ATXN7: variants seen among roughly 807,000 people sequenced by gnomAD.
ATXN7 encodes ataxin 7.
ATXN7 carries 12 observed loss-of-function variants against 70.5 expected under a neutral mutation model. The ratio of observed to expected loss-of-function variants is 0.17; its 90% confidence interval spans 0.11 to 0.28. ATXN7 has a LOEUF of 0.28. Among genes scored for constraint, ATXN7 ranks in the 10% least tolerant of loss-of-function variants. The pLI is 1.00. For synonymous variants in ATXN7, 498 were observed against 448.7 expected (o/e 1.11, Z -1.39); for missense variants, 1,256 against 1,131.7 (o/e 1.11, Z -1.58).
At position 63,982,198 on chromosome 3, in the gene ATXN7, T is replaced by C. The variant is rs1490016501; in HGVS notation, c.765T>C (p.Ser255=). Residue 255 remains serine (S), a synonymous_variant, in exon 7 of 13, where the codon TCT becomes TCC. Coordinates refer to ENST00000674280, the MANE Select transcript of ATXN7 (RefSeq NM_001377405.1). ...RVPHGRIMTP[S]VKVEKIHPKM... ...CCTCCTGTGACAGCATGACACCCTCTGTGAAAGTGGAAAAGATTCATCCGA... is the reference window on the plus strand; with the variant it reads ...CCTCCTGTGACAGCATGACACCCTCCGTGAAAGTGGAAAAGATTCATCCGA... 1 of 1,614,124 alleles carries C rather than the reference T, an allele frequency of 6.2e-7. No individual in the cohort carries two copies.
At chr3:63,957,945 GT>G (rs200061027) in intron 5 of ATXN7, among the ~76,000 whole-genome samples, 1 of 152,138 alleles carries the variant, frequency 6.6e-6, no homozygotes, top group East Asian at 1.9e-4. Flanking sequence ...AGAAGACCAC[GT>G]AAGACAAATA....
In ATXN7 at chr3:63,996,403, G is replaced by T; in HGVS notation, c.2581G>T (p.Ala861Ser). The change falls in exon 12 of 13, where the codon GCC (alanine) becomes TCC (serine). Residue 861 changes from alanine (A) to serine (S), a missense_variant. Transcript: ENST00000674280. ...SKPTKVAKVP[A>S]VNNVHMKHTG... The stretch of plus-strand genomic sequence containing the variant: ...ACCCACAAAGGTTGCCAAAGTGCCA[G>T]CCGTGAACAATGTCCACATGAAACA... 5 of 1,614,156 alleles carry T rather than the reference G, an allele frequency of 3.1e-6. No individual in the cohort carries two copies. The highest frequency in any genetic ancestry group is 4.2e-6 in the Non-Finnish European group (5 of 1,180,036).
chr3:63,973,121 G>A (rs2075340487), intron 5 of ATXN7, among the ~76,000 whole-genome samples: 1 of 152,066 alleles, frequency 6.6e-6, no homozygotes, highest in African/African-American at 2.4e-5. Context: ...GGTTGCCCAG[G>A]GTCACCCAAT....
intron 7 of ATXN7, 101 bp downstream of exon 7, chr3:63,982,546 T>G (rs2075506509): frequency 9.1e-7 from 1 of 1,094,724 alleles, no homozygotes; most frequent in Non-Finnish European, 1.3e-6. Flanking sequence ...TTTTTAAAAC[T>G]GGTCAACTTC....
intron 2 of ATXN7, among the ~76,000 whole-genome samples, chr3:63,898,899 C>G (rs542474784): frequency 1.3e-5 from 2 of 152,206 alleles, no homozygotes; most frequent in African/African-American, 4.8e-5. Flanking sequence ...GTAGACCCAG[C>G]TGCTTAGGGC....
rs139477670 is a variant in ATXN7, at chr3:63,878,999, C to T, written c.-111+14841C>T. 7.5e-3 allele frequency among the ~76,000 whole-genome samples: 1,138 copies of T among 152,278 alleles called. 5 individuals carry two copies. The highest frequency in any genetic ancestry group is 0.016 in the South Asian group (79 of 4,820). ...GCCCATAGAGGTCAGCCTCTTGGGACTCAGCAGGGCCCAGTATGGTGGAAA... is the reference window on the plus strand; with the variant it reads ...GCCCATAGAGGTCAGCCTCTTGGGATTCAGCAGGGCCCAGTATGGTGGAAA... On this transcript the variant is annotated intron_variant, in intron 1 of 12. Transcript: ENST00000674280.
chr3:63,946,562 G>GA (rs1035957454), intron 4 of ATXN7, among the ~76,000 whole-genome samples: 1 of 151,234 alleles, frequency 6.6e-6, no homozygotes, highest in African/African-American at 2.4e-5. Context: ...AGAATGGCGT[G>GA]AACCCGGGAG....
At chr3:63,881,066 A>G (rs1423246668) in intron 1 of ATXN7, among the ~76,000 whole-genome samples, 2 of 152,218 alleles carry the variant, frequency 1.3e-5, no homozygotes, top group East Asian at 1.9e-4. Flanking sequence ...GATAATGGCT[A>G]TCATTTATTG....
Position 64,002,855 on chromosome 3 carries a change from T to C in ATXN7, c.*3388T>C, listed in dbSNP as rs2075848872. Reference sequence around the variant, plus strand: ...CAGCAACTTACACGATGTGTCCGTTTTGTTATTCACTCATGAAATACAATT... The same window carrying C: ...CAGCAACTTACACGATGTGTCCGTTCTGTTATTCACTCATGAAATACAATT... On this transcript the variant is annotated 3_prime_UTR_variant, in exon 13 of 13. Coordinates refer to ENST00000674280, the MANE Select transcript of ATXN7 (RefSeq NM_001377405.1). The C allele has an allele frequency of 6.6e-6, 1 of 152,218 alleles. No individual in the cohort carries two copies. Among genetic ancestry groups the C allele is most frequent in the Admixed American group, 6.5e-5 (1 of 15,278 alleles). The allele number at this position is 152,218 out of a possible 1,614,324, so 9.4% of individuals were successfully genotyped here.
chr3:64,003,204 G>GTTT lies in ATXN7; in HGVS notation c.*3737_*3738insTTT. ...GAATGTAGGGCCTTGAAAGCATTTTGCTTTTTTTTTTTTTTTTTTTTTTTT... is the reference window on the plus strand; with the variant it reads ...GAATGTAGGGCCTTGAAAGCATTTTGTTTCTTTTTTTTTTTTTTTTTTTTTTTT... On this transcript the variant is annotated 3_prime_UTR_variant, in exon 13 of 13. Coordinates refer to ENST00000674280, the MANE Select transcript of ATXN7 (RefSeq NM_001377405.1). The GTTT allele has an allele frequency of 9.9e-6, 1 of 101,522 alleles. No individual in the cohort carries two copies. The highest frequency in any genetic ancestry group is 2.0e-5 in the Non-Finnish European group (1 of 50,266). The allele number at this position is 101,522 out of a possible 1,614,324, so 6.3% of individuals were successfully genotyped here. A position where few individuals can be genotyped will look rare whatever the true frequency, so the allele number is the denominator to read the frequency against.
intron 5 of ATXN7, chr3:63,968,317 G>A: frequency 4.2e-6 from 1 of 238,798 alleles, no homozygotes; most frequent in East Asian, 8.7e-5. Flanking sequence ...CGGGAGCCGA[G>A]TTTGTTATTA....
chr3:63,892,495 C>CCACACA (rs376915162), intron 1 of ATXN7, among the ~76,000 whole-genome samples: 6 of 126,894 alleles, frequency 4.7e-5, no homozygotes, highest in East Asian at 4.4e-4. Context: ...ACACACACAC[C>CCACACA]CACACACACA....
chr3:63,960,532 T>A (rs2075110988), intron 5 of ATXN7, among the ~76,000 whole-genome samples: 1 of 151,978 alleles, frequency 6.6e-6, no homozygotes, highest in Non-Finnish European at 1.5e-5. Flanking sequence ...AAGCTTAGAT[T>A]AGGATTGTAG....
rs565902266 is a variant in ATXN7 at position 63,976,522 on chromosome 3, CTT to C, written c.500-3388_500-3387del. Among the ~76,000 whole-genome samples, 1,067 of 152,222 alleles carry C rather than the reference CTT, an allele frequency of 7.0e-3. 13 individuals are homozygous for C. Among genetic ancestry groups the C allele is most frequent in the Middle Eastern group, 0.02 (6 of 294 alleles). ...TATTGTTATTGAAGTAGAAAATAGA[CTT>C]TTTTGGGATATTATCGATACATCAG... On this transcript the variant is annotated intron_variant, in intron 5 of 12. Coordinates refer to ENST00000674280, the MANE Select transcript of ATXN7 (RefSeq NM_001377405.1).
intron 1 of ATXN7, among the ~76,000 whole-genome samples, chr3:63,884,437 ATTTT>A (rs1703018328): frequency 1.3e-5 from 2 of 152,176 alleles, no homozygotes; most frequent in Non-Finnish European, 2.9e-5. Flanking sequence ...CAGTATATAT[ATTTT>A]TAAAGGCTCA....
intron 4 of ATXN7, among the ~76,000 whole-genome samples, chr3:63,930,854 C>A (rs1346802155): frequency 6.6e-6 from 1 of 151,918 alleles, no homozygotes; most frequent in Non-Finnish European, 1.5e-5. Context: ...TTAATGGATT[C>A]GAATGTATCT....
At chr3:63,908,827 C>G (rs1189444081) in intron 2 of ATXN7, among the ~76,000 whole-genome samples, 3 of 152,148 alleles carry the variant, frequency 2.0e-5, no homozygotes, top group Non-Finnish European at 4.4e-5. Flanking sequence ...GACTTGTTAG[C>G]CTTGGCATCT....
intron 4 of ATXN7, among the ~76,000 whole-genome samples, chr3:63,937,734 T>C (rs2074688314): frequency 6.6e-6 from 1 of 152,190 alleles, no homozygotes; most frequent in African/African-American, 2.4e-5. Flanking sequence ...TATCATTGCA[T>C]GCTGGTTAGG....
chr3:63,964,772 C>T (rs1318356642), intron 5 of ATXN7, among the ~76,000 whole-genome samples: 1 of 152,190 alleles, frequency 6.6e-6, no homozygotes, highest in Non-Finnish European at 1.5e-5. Context: ...TTCTGGATAG[C>T]AGGCTTCCAG....
Sources: gnomAD v4.1 joint callset for allele counts (sites outside exome capture counted in the v4.1 genomes callset) on GRCh38, gnomAD v4.1.1 for gene constraint, MANE v1.5 for transcripts, NCBI Gene and HGNC (gene_info 2026-07-23, HGNC 2026-07-21) for gene names.